PDE4D: variants seen among roughly 807,000 people sequenced by gnomAD.
The protein encoded by PDE4D is phosphodiesterase 4D.
A neutral mutation model predicts 87.4 loss-of-function variants in PDE4D; 24 were observed. The ratio of observed to expected loss-of-function variants is 0.27; its 90% confidence interval spans 0.20 to 0.39. The LOEUF (loss-of-function observed/expected upper bound fraction) is 0.39, where lower values mean the gene tolerates loss of function less well. Ranked by LOEUF, PDE4D falls within the 10% of genes least tolerant of loss-of-function variation. The pLI is 1.00. For synonymous variants in PDE4D, 384 were observed against 383.2 expected, an observed-to-expected ratio of 1.00 and a Z score of -0.02; for missense variants, 714 against 1,041.0, an observed-to-expected ratio of 0.69 and a Z score of 4.32.
chr5:59,344,201 C>A (rs1290334330), intron 1 of PDE4D, among the ~76,000 whole-genome samples: 1 of 152,078 alleles, frequency 6.6e-6, no homozygotes, highest in African/African-American at 2.4e-5. Flanking sequence ...TGTTCCTTAG[C>A]AGTTCCTCAG....
chr5:60,069,125 T>C (rs1157681399), intron 2 of PDE4D, among the ~76,000 whole-genome samples: 2 of 152,202 alleles, frequency 1.3e-5, no homozygotes, highest in Non-Finnish European at 2.9e-5. Flanking sequence ...TGTGTATTCT[T>C]GACACCTTTA....
At chr5:60,032,552 C>G (rs911626839) in intron 2 of PDE4D, among the ~76,000 whole-genome samples, 4 of 152,118 alleles carry the variant, frequency 2.6e-5, no homozygotes, top group Non-Finnish European at 5.9e-5. Flanking sequence ...GCGTAAAGCA[C>G]ATTGTGAGCT....
chr5:59,418,847 A>G (rs1438792588), intron 1 of PDE4D, among the ~76,000 whole-genome samples: 2 of 152,012 alleles, frequency 1.3e-5, no homozygotes, highest in East Asian at 3.9e-4. Flanking sequence ...TAGAGGTTTT[A>G]CCACGTTGGC....
At chr5:59,181,879 G>A (rs1035699898) in intron 4 of PDE4D, among the ~76,000 whole-genome samples, 4 of 152,094 alleles carry the variant, frequency 2.6e-5, no homozygotes, top group Non-Finnish European at 5.9e-5. Flanking sequence ...TGCATGCACA[G>A]CCTCACATAT....
intron 1 of PDE4D, among the ~76,000 whole-genome samples, chr5:59,664,163 A>G (rs988801255): frequency 6.6e-6 from 1 of 152,186 alleles, no homozygotes; most frequent in African/African-American, 2.4e-5. Flanking sequence ...ATGTATACAA[A>G]TGCTGTAGAA....
At chr5:59,295,743 T>C (rs1309554233) in intron 1 of PDE4D, among the ~76,000 whole-genome samples, 3 of 151,774 alleles carry the variant, frequency 2.0e-5, no homozygotes, top group Non-Finnish European at 4.4e-5. Flanking sequence ...AAATGGCGGC[T>C]CTCAGAGAAA....
At chr5:60,413,525 C>T (rs997843983) in intron 1 of PDE4D, among the ~76,000 whole-genome samples, 5 of 152,214 alleles carry the variant, frequency 3.3e-5, no homozygotes, top group South Asian at 2.1e-4. Context: ...GACTCAGGAA[C>T]GCAGTGGTGC....
chr5:60,305,036 T>TAC lies in PDE4D; in HGVS notation c.-89-119350_-89-119349insGT, dbSNP rs1491102237. On this transcript the variant is annotated intron_variant, in intron 1 of 16. Coordinates refer to the PDE4D transcript ENST00000502484. Reference sequence around the variant, plus strand: ...TTCTCTAGTTATTTTAGTTTTGAGCTATACACACACACACACACACACACA... The same window carrying TAC: ...TTCTCTAGTTATTTTAGTTTTGAGCTACATACACACACACACACACACACACA... Among the ~76,000 whole-genome samples the TAC allele has an allele frequency of 7.3e-3, 729 of 99,666 alleles. 5 individuals are homozygous for TAC. The highest frequency in any genetic ancestry group is 0.031 in the African/African-American group (689 of 21,874). The allele number at this position is 99,666 out of a possible 152,430, so 65.4% of individuals were successfully genotyped here. A position where few individuals can be genotyped will look rare whatever the true frequency, so the allele number is the denominator to read the frequency against.
chr5:59,214,016 AACAT>A (rs924657457), intron 2 of PDE4D, among the ~76,000 whole-genome samples: 18 of 138,838 alleles, frequency 1.3e-4, no homozygotes, highest in African/African-American at 4.9e-4. Flanking sequence ...GCTGTCCCCC[AACAT>A]ACATACATAC....
intron 1 of PDE4D, among the ~76,000 whole-genome samples, chr5:59,480,784 A>T (rs1324619400): frequency 4.6e-5 from 7 of 152,184 alleles, no homozygotes; most frequent in Non-Finnish European, 8.8e-5. Flanking sequence ...TGTGCCAGAC[A>T]GGTGATAATA....
intron 1 of PDE4D, among the ~76,000 whole-genome samples, chr5:60,341,122 A>C (rs1214299692): frequency 1.4e-5 from 2 of 147,762 alleles, no homozygotes; most frequent in African/African-American, 5.2e-5. Context: ...TCTGAATGAA[A>C]AATGTTTGGT....
At chr5:59,986,696 A>T (rs1407111028) in intron 3 of PDE4D, 1 of 152,208 alleles carries the variant, frequency 6.6e-6, no homozygotes. Flanking sequence ...TTCAGGAGTG[A>T]TCCACCATTC....
chr5:59,635,730 T>C (rs561023830), intron 1 of PDE4D, among the ~76,000 whole-genome samples: 1 of 152,312 alleles, frequency 6.6e-6, no homozygotes, highest in East Asian at 1.9e-4. Context: ...TGATGTAACA[T>C]GTCTTGAAAT....
At chr5:59,784,182 C>T (rs1041131801) in intron 1 of PDE4D, among the ~76,000 whole-genome samples, 69 of 151,912 alleles carry the variant, frequency 4.5e-4, no homozygotes, top group African/African-American at 1.6e-3. Context: ...CTCCCATAAC[C>T]CACAGCTCTC....
At chr5:59,318,441 T>TAG (rs946242022) in intron 1 of PDE4D, among the ~76,000 whole-genome samples, 2 of 152,160 alleles carry the variant, frequency 1.3e-5, no homozygotes, top group African/African-American at 2.4e-5. Context: ...CAAAGTTCTG[T>TAG]ACAATCTCCT....
intron 1 of PDE4D, among the ~76,000 whole-genome samples, chr5:60,495,969 C>G (rs1002271315): frequency 6.6e-6 from 1 of 152,150 alleles, no homozygotes; most frequent in African/African-American, 2.4e-5. Flanking sequence ...AAAGCAGGCC[C>G]CAAGTGAACA....
chr5:59,722,009 G>C (rs1479366360), intron 1 of PDE4D, among the ~76,000 whole-genome samples: 1 of 152,124 alleles, frequency 6.6e-6, no homozygotes, highest in Non-Finnish European at 1.5e-5. Flanking sequence ...TGTGCATCTT[G>C]AATATTACCA....
At chr5:59,521,858 T>C (rs1307055841) in intron 1 of PDE4D, among the ~76,000 whole-genome samples, 2 of 152,240 alleles carry the variant, frequency 1.3e-5, no homozygotes, top group Admixed American at 6.5e-5. Flanking sequence ...TAGAAAAGTG[T>C]CTGGTACATG....
At position 59,565,578 on chromosome 5, in the gene PDE4D, G is replaced by A. The variant is rs527685333; in HGVS notation, c.455+327590C>T. Among the ~76,000 whole-genome samples, 8 of 152,318 alleles carry A rather than the reference G, an allele frequency of 5.3e-5. 1 individual carries two copies. The highest frequency in any genetic ancestry group is 3.4e-3 in the Middle Eastern group (1 of 294). ...AGAAAGTTACTGCATGGAGCCCAGA[G>A]GAGAAATAGTTGCAGCATCACTGGG... On this transcript the variant is annotated intron_variant, in intron 1 of 14. Transcript: ENST00000340635.
Sources: gnomAD v4.1 joint callset for allele counts (sites outside exome capture counted in the v4.1 genomes callset) on GRCh38, gnomAD v4.1.1 for gene constraint, MANE v1.5 for transcripts, NCBI Gene and HGNC (gene_info 2026-07-23, HGNC 2026-07-21) for gene names.